The following PABPC4L variants were observed in gnomAD, a reference collection of about 807,000 sequenced individuals.
The protein encoded by PABPC4L is polyadenylate-binding protein 4-like.
For missense variants in PABPC4L, 452 were observed against 451.4 expected, an observed-to-expected ratio of 1.00 and a Z score of -0.01; for synonymous variants, 169 against 164.1, an observed-to-expected ratio of 1.03 and a Z score of -0.23.
At chr4:134,014,802 C>A in the PABPC4L span, among the ~76,000 whole-genome samples, 2 of 152,050 alleles carry the variant, frequency 1.3e-5, no homozygotes, top group Non-Finnish European at 2.9e-5. Context: ...GTTTCCCTTG[C>A]CTCCATAACT....
the PABPC4L span, among the ~76,000 whole-genome samples, chr4:134,146,619 G>A: frequency 6.6e-6 from 1 of 152,074 alleles, no homozygotes; most frequent in Non-Finnish European, 1.5e-5. Context: ...AAGGTACATG[G>A]ACACTGAGGA....
At chr4:134,081,846 C>T in the PABPC4L span, among the ~76,000 whole-genome samples, 1 of 152,068 alleles carries the variant, frequency 6.6e-6, no homozygotes, top group Non-Finnish European at 1.5e-5. Flanking sequence ...TCATTACGAC[C>T]CCAACTGCAT....
the PABPC4L span, among the ~76,000 whole-genome samples, chr4:134,047,617 A>ATGT: frequency 6.6e-6 from 1 of 152,136 alleles, no homozygotes; most frequent in East Asian, 1.9e-4. Context: ...TGGGAAAAAA[A>ATGT]TGTTGCTTTT....
chr4:134,039,799 A>G, the PABPC4L span, among the ~76,000 whole-genome samples: 1 of 151,850 alleles, frequency 6.6e-6, no homozygotes, highest in African/African-American at 2.4e-5. Flanking sequence ...TGTTTTTTAA[A>G]TGGGGTATTT....
chr4:133,974,992 C>T, the PABPC4L span, among the ~76,000 whole-genome samples: 11 of 152,174 alleles, frequency 7.2e-5, no homozygotes, highest in Admixed American at 6.6e-4. Flanking sequence ...AATTTCACTC[C>T]AGGTGTATAC....
chr4:134,013,553 C>G, the PABPC4L span, among the ~76,000 whole-genome samples: 7 of 152,210 alleles, frequency 4.6e-5, no homozygotes, highest in East Asian at 7.7e-4. Flanking sequence ...AATACAAACT[C>G]AACAGTAGTT....
At chr4:134,043,360 G>A in the PABPC4L span, among the ~76,000 whole-genome samples, 1 of 152,080 alleles carries the variant, frequency 6.6e-6, no homozygotes, top group South Asian at 2.1e-4. Context: ...AATAATAACT[G>A]GAACGATAGA....
At chr4:134,087,251 TA>T in the PABPC4L span, among the ~76,000 whole-genome samples, 1 of 152,102 alleles carries the variant, frequency 6.6e-6, no homozygotes, top group Middle Eastern at 3.4e-3. Context: ...TATGCAGCCA[TA>T]AAAAATGATG....
chr4:134,061,099 A>G, the PABPC4L span, among the ~76,000 whole-genome samples: 1 of 152,254 alleles, frequency 6.6e-6, no homozygotes, highest in South Asian at 2.1e-4. Flanking sequence ...TCTGTAACAC[A>G]AAGGATAGAT....
chr4:134,192,026 C>G (rs78252018), downstream of PABPC4L, among the ~76,000 whole-genome samples: 1 of 151,780 alleles, frequency 6.6e-6, no homozygotes, highest in East Asian at 1.9e-4. Flanking sequence ...ATTAATATAA[C>G]CGAGAGAACT....
At chr4:134,192,775 G>A (rs1283299152), downstream of PABPC4L, among the ~76,000 whole-genome samples, 1 of 152,040 alleles carries the variant, frequency 6.6e-6, no homozygotes, top group Non-Finnish European at 1.5e-5. Flanking sequence ...GAGGATTCAT[G>A]CTGTATGAAT....
the PABPC4L span, among the ~76,000 whole-genome samples, chr4:134,170,857 G>A: frequency 1.9e-4 from 29 of 152,218 alleles, no homozygotes; most frequent in East Asian, 3.1e-3. Flanking sequence ...CCCAATAAGC[G>A]GATTGCTGGA....
At chr4:134,024,068 C>T in the PABPC4L span, among the ~76,000 whole-genome samples, 9 of 152,130 alleles carry the variant, frequency 5.9e-5, no homozygotes, top group Non-Finnish European at 8.8e-5. Context: ...TTGCATACTA[C>T]GTACAGGCAT....
the PABPC4L span, among the ~76,000 whole-genome samples, chr4:134,108,369 G>A: frequency 6.6e-6 from 1 of 151,774 alleles, no homozygotes; most frequent in South Asian, 2.1e-4. Context: ...TTTTATTTAT[G>A]TTTGACACTG....
At chr4:134,178,365 C>CAAAAAAAA in the PABPC4L span, among the ~76,000 whole-genome samples, 1 of 104,048 alleles carries the variant, frequency 9.6e-6, no homozygotes, top group Non-Finnish European at 2.0e-5. Context: ...AAGAAAAAAG[C>CAAAAAAAA]AAAAAAAAAA....
the PABPC4L span, among the ~76,000 whole-genome samples, chr4:134,126,467 A>T: frequency 4.1e-4 from 63 of 152,120 alleles, no homozygotes; most frequent in Admixed American, 1.1e-3. Flanking sequence ...TAAATTCTTG[A>T]CTTCTTCAAA....
the PABPC4L span, among the ~76,000 whole-genome samples, chr4:134,004,247 T>C: frequency 4.6e-5 from 7 of 151,722 alleles, no homozygotes; most frequent in Non-Finnish European, 1.0e-4. Context: ...ATATGTCTAA[T>C]GAGGAGTTAC....
chr4:134,011,037 T>G, the PABPC4L span, among the ~76,000 whole-genome samples: 13 of 152,290 alleles, frequency 8.5e-5, no homozygotes, highest in East Asian at 3.9e-4. Context: ...ATAAAGCTAT[T>G]CTTTCAGATA....
the PABPC4L span, among the ~76,000 whole-genome samples, chr4:134,172,983 A>G: frequency 6.6e-6 from 1 of 151,796 alleles, no homozygotes; most frequent in Non-Finnish European, 1.5e-5. Context: ...TAATCATTAG[A>G]TAGATGCATA....
Sources: gnomAD v4.1 joint callset for allele counts (sites outside exome capture counted in the v4.1 genomes callset) on GRCh38, gnomAD v4.1.1 for gene constraint, MANE v1.5 for transcripts, NCBI Gene and HGNC (gene_info 2026-07-23, HGNC 2026-07-21) for gene names.